The following PTPRH variants were observed in gnomAD, a reference collection of about 807,000 sequenced individuals.
The protein encoded by PTPRH is receptor-type tyrosine-protein phosphatase H.
In PTPRH, 113 loss-of-function variants were observed where a neutral mutation model predicts 130.2. The ratio of observed to expected loss-of-function variants is 0.87; its 90% CI spans 0.75 to 1.01. PTPRH has a LOEUF of 1.01. PTPRH is among the 50% of genes least tolerant of loss of function. The probability of loss-of-function intolerance (pLI) is 0.00; values close to 1 mark genes in which losing one functional copy is unlikely to be tolerated. For synonymous variants in PTPRH, 556 were observed against 577.9 expected, an observed-to-expected ratio of 0.96 and a Z score of 0.54; for missense variants, 1,430 against 1,425.0, an observed-to-expected ratio of 1.00 and a Z score of -0.06.
intron 10 of PTPRH, among the ~76,000 whole-genome samples, chr19:55,196,143 T>A (rs2086673273): frequency 6.6e-6 from 1 of 152,112 alleles, no homozygotes; most frequent in Non-Finnish European, 1.5e-5. Flanking sequence ...ATCCCAGCAC[T>A]TTGGGAGCCT....
rs150594420 is a variant in PTPRH, at chr19:55,185,933, G to A, written c.2830C>T (p.His944Tyr). Residue 944 changes from histidine (H) to tyrosine (Y), a missense_variant, in exon 17 of 20, where the codon CAC becomes TAC. By Grantham distance (83) the His-to-Tyr change is moderately conservative. Transcript: ENST00000376350. ...TCACCTACCAGGGTTACCCGCAGGTGCCCATGGGTGCAGGGCTGCGAGTCC... is the reference window on the plus strand; with the variant it reads ...TCACCTACCAGGGTTACCCGCAGGTACCCATGGGTGCAGGGCTGCGAGTCC... ...PLDSQPCTHG[H>Y]LRVTLVGEEV... is the part of the protein sequence containing the mutation. 9.2e-4 allele frequency: 1,485 copies of A among 1,614,118 alleles called. 2 individuals are homozygous for A. Among genetic ancestry groups the A allele is most frequent in the Non-Finnish European group, 1.2e-3 (1,424 of 1,180,002 alleles).
chr19:55,199,204 G>A (rs141029610), intron 7 of PTPRH, among the ~76,000 whole-genome samples: 53 of 152,350 alleles, frequency 3.5e-4, no homozygotes, highest in African/African-American at 1.1e-3. Context: ...CTACTAGGGA[G>A]GCTGAGGTGG....
chr19:55,194,915 C>T (rs897934583), intron 10 of PTPRH, among the ~76,000 whole-genome samples: 5 of 152,154 alleles, frequency 3.3e-5, no homozygotes, highest in African/African-American at 7.2e-5. Context: ...AGGCCAGGTG[C>T]GGTGGCTCAC....
intron 12 of PTPRH, chr19:55,189,864 C>A (rs558838894): frequency 5.0e-6 from 2 of 402,974 alleles, no homozygotes; most frequent in South Asian, 1.8e-5. Flanking sequence ...CATTGTGGTG[C>A]GTGCCTGTGG....
In PTPRH at chr19:55,198,914, TG is replaced by T; in HGVS notation, c.1421-3del. The T allele has an allele frequency of 6.6e-7, 1 of 1,506,442 alleles. No homozygotes were observed. The highest frequency in any genetic ancestry group is 1.4e-5 in the South Asian group (1 of 72,944). 93.3% of individuals were successfully genotyped at this position (1,506,442 alleles called of 1,614,324 possible). On this transcript the variant is annotated splice_region_variant and splice_polypyrimidine_tract_variant and intron_variant, in intron 7 of 19. Transcript: ENST00000376350. ...TGAGGCTTGTCACTGCGTTGGGGAC[TG>T]GGAGAGGGAGCAGAGTCAGGATTTC...
intron 14 of PTPRH, among the ~76,000 whole-genome samples, chr19:55,186,814 G>A (rs1486973232): frequency 6.6e-6 from 1 of 152,152 alleles, no homozygotes; most frequent in Non-Finnish European, 1.5e-5. Context: ...GGAGGCTGAG[G>A]TGGGTGGATC....
chr19:55,183,384 G>A (rs776538433), intron 18 of PTPRH, among the ~76,000 whole-genome samples: 93 of 150,548 alleles, frequency 6.2e-4, no homozygotes, highest in Non-Finnish European at 9.4e-4. Context: ...CAGCCTGGGC[G>A]ACAGAGCAAG....
At chr19:55,190,004 T>TAAATA (rs199772672) in intron 12 of PTPRH, among the ~76,000 whole-genome samples, 77 of 151,854 alleles carry the variant, frequency 5.1e-4, no homozygotes, top group Admixed American at 6.6e-4. Flanking sequence ...GACAAATTAA[T>TAAATA]AAATAAAATA....
chr19:55,206,837 A>G lies in PTPRH; in HGVS notation c.204T>C (p.Thr68=). 1 of 1,614,162 alleles carries G rather than the reference A, an allele frequency of 6.2e-7. No individual in the cohort carries two copies. The highest frequency in any genetic ancestry group is 8.5e-7 in the Non-Finnish European group (1 of 1,180,018). Residue 68 remains threonine, a synonymous_variant, in exon 3 of 20, where the codon ACT becomes ACC. Transcript: ENST00000376350. ...GAGTCTCTGTTGTGCCGCCGTCTCC[A>G]GTACACTGAACCCAGTAGTTGGAGT... ...SQNSNYWVQC[T]GDGGTTETRN...
At chr19:55,191,622 GC>G (rs1568901891) in intron 11 of PTPRH, 40 bp downstream of exon 11, 2 of 1,611,924 alleles carry the variant, frequency 1.2e-6, no homozygotes, top group South Asian at 1.1e-5. Flanking sequence ...TTCTTCTCCA[GC>G]CCCCACCCTC....
chr19:55,184,303 A>C (rs1413194931), intron 18 of PTPRH, among the ~76,000 whole-genome samples: 2 of 150,060 alleles, frequency 1.3e-5, no homozygotes, highest in East Asian at 3.9e-4. Flanking sequence ...ACAAACAAAT[A>C]AATAAATAAA....
Position 55,198,893 on chromosome 19 carries a change from G to C in PTPRH, c.1440C>G (p.Ser480Arg). 2 of 1,519,632 alleles carry C rather than the reference G, an allele frequency of 1.3e-6. No individual in the cohort carries two copies. Among genetic ancestry groups the C allele is most frequent in the Non-Finnish European group, 1.8e-6 (2 of 1,131,168 alleles). 94.1% of individuals were successfully genotyped at this position (1,519,632 alleles called of 1,614,324 possible). A position where few individuals can be genotyped will look rare whatever the true frequency, so the allele number is the denominator to read the frequency against. Reference sequence around the variant, plus strand: ...TGTTGGTCCAGTCCTGCTTGCTGAGGCTTGTCACTGCGTTGGGGACTGGGA... The same window carrying C: ...TGTTGGTCCAGTCCTGCTTGCTGAGCCTTGTCACTGCGTTGGGGACTGGGA... ...SISTVPNAVT[S>R]LSKQDWTNST... Residue 480 changes from serine to arginine, a missense_variant, in exon 8 of 20, where the codon AGC becomes AGG. Coordinates refer to ENST00000376350, the MANE Select transcript of PTPRH (RefSeq NM_002842.5).
chr19:55,186,218 C>T lies in PTPRH; in HGVS notation c.2778+7G>A. On this transcript the variant is annotated splice_region_variant and intron_variant, in intron 16 of 19. Transcript: ENST00000376350. Reference sequence around the variant, plus strand: ...CCCAGTCAGCACCCAGGACTCAGATCTCTCACCCGGCCGGCCTCCATGCAG... The same window carrying T: ...CCCAGTCAGCACCCAGGACTCAGATTTCTCACCCGGCCGGCCTCCATGCAG... 6.2e-7 allele frequency: 1 copy of T among 1,605,562 alleles called. No homozygotes were observed. The highest frequency in any genetic ancestry group is 8.5e-7 in the Non-Finnish European group (1 of 1,174,228).
chr19:55,186,550 G>T lies in PTPRH; in HGVS notation c.2567-10C>A, dbSNP rs1230423223. 2.2e-6 allele frequency: 3 copies of T among 1,361,654 alleles called. No homozygotes were observed. The highest frequency in any genetic ancestry group is 3.6e-5 in the African/African-American group (1 of 27,524). 84.3% of individuals were successfully genotyped at this position (1,361,654 alleles called of 1,614,324 possible). A position where few individuals can be genotyped will look rare whatever the true frequency, so the allele number is the denominator to read the frequency against. ...ACCCGGGACCAGTCATCTAGGAGAA[G>T]AGGCCAGCATTAGCCAGGCAGAGAG... On this transcript the variant is annotated splice_polypyrimidine_tract_variant and intron_variant, in intron 14 of 19. Transcript: ENST00000376350.
chr19:55,187,201 C>T (rs998847202), intron 14 of PTPRH, among the ~76,000 whole-genome samples: 30 of 150,068 alleles, frequency 2.0e-4, no homozygotes, highest in Middle Eastern at 6.9e-3. Flanking sequence ...AAAAATTAGC[C>T]GGGCGAGGTG....
At position 55,203,779 on chromosome 19, in the gene PTPRH, T is replaced by C; in HGVS notation, c.886+3A>G. 1 of 1,600,008 alleles carries C rather than the reference T, an allele frequency of 6.2e-7. No individual in the cohort carries two copies. Among genetic ancestry groups the C allele is most frequent in the South Asian group, 1.1e-5 (1 of 90,652 alleles). On this transcript the variant is annotated splice_donor_region_variant and intron_variant, in intron 5 of 19. Transcript: ENST00000376350. ...TAAAAATAAAACAGCGGCTGCCTCT[T>C]ACCTGTGGCACTAGTGACAATCTCC...
Position 55,203,851 on chromosome 19 carries a change from A to G in PTPRH, c.817T>C (p.Tyr273His), listed in dbSNP as rs2086952614. The change falls in exon 5 of 20, where the codon TAT becomes CAT. Residue 273 changes from tyrosine to histidine, a missense_variant. Coordinates refer to ENST00000376350, the MANE Select transcript of PTPRH (RefSeq NM_002842.5). Reference sequence around the variant, plus strand: ...TTCTCCACCCACACAGAACACGTATACAATGACCCGGGTCCAAGGCCATCC... The same window carrying G: ...TTCTCCACCCACACAGAACACGTATGCAATGACCCGGGTCCAAGGCCATCC... Reference protein sequence around the residue: ...TVDGLGPGSLYTCSVWVEKDG... With the variant: ...TVDGLGPGSLHTCSVWVEKDG... The G allele has an allele frequency of 6.2e-7, 1 of 1,614,096 alleles. No individual in the cohort carries two copies. The highest frequency in any genetic ancestry group is 1.3e-5 in the African/African-American group (1 of 74,928).
intron 8 of PTPRH, 62 bp downstream of exon 8, chr19:55,198,581 C>T: frequency 1.4e-6 from 2 of 1,478,348 alleles, no homozygotes; most frequent in Admixed American, 2.3e-5. Flanking sequence ...CTCCCAAAGT[C>T]CTTTCATCTT....
At chr19:55,188,299 G>C in intron 12 of PTPRH, 131 bp from the exon 13 acceptor site, 1 of 681,702 alleles carries the variant, frequency 1.5e-6, no homozygotes, top group South Asian at 1.6e-5. Flanking sequence ...GATCACCTGA[G>C]GTCAGGAGTT....
Sources: allele counts gnomAD v4.1 joint callset (sites outside exome capture counted in the v4.1 genomes callset), GRCh38; gene constraint gnomAD v4.1.1; transcripts MANE v1.5; gene names NCBI Gene and HGNC (gene_info 2026-07-23, HGNC 2026-07-21).